Variants in BFSP1 observed in about 807,000 individuals in gnomAD.
BFSP1 encodes filensin.
Under a neutral mutation model 43.9 loss-of-function variants are expected in BFSP1, and 38 were observed. The observed-to-expected ratio is 0.87, with a 90% confidence interval of 0.67 to 1.14. The LOEUF (loss-of-function observed/expected upper bound fraction) is 1.14, where lower values mean the gene tolerates loss of function less well. Among genes scored for constraint, BFSP1 ranks in the 50% most tolerant of loss-of-function variants. The pLI is 0.00. For synonymous variants in BFSP1, 352 were observed against 354.8 expected, an observed-to-expected ratio of 0.99 and a Z score of 0.09; for missense variants, 850 against 875.1, an observed-to-expected ratio of 0.97 and a Z score of 0.36.
In BFSP1 at chr20:17,507,275, G is replaced by GTA; in HGVS notation, c.735+1613_735+1614insTA. Among the ~76,000 whole-genome samples the GTA allele has an allele frequency of 1.8e-5, 2 of 111,970 alleles. No individual in the cohort carries two copies. The highest frequency in any genetic ancestry group is 4.5e-3 in the Middle Eastern group (1 of 222). The allele number at this position is 111,970 out of a possible 152,430, so 73.5% of individuals were successfully genotyped here. A position where few individuals can be genotyped will look rare whatever the true frequency, so the allele number is the denominator to read the frequency against. ...AGCCATACACATCAGATAGGTAGGT[G>GTA]TGTGTGTGTGTGTGTGTGTGTGTGT... On this transcript the variant is annotated intron_variant, in intron 5 of 7. Transcript: ENST00000377873. The surrounding 1 kb of genome is among the most constrained non-coding windows in gnomAD (Gnocchi z 4.4).
rs906318076 is a variant in BFSP1 at position 17,558,221 on chromosome 20, A to C, written c.2+467T>G. Among the ~76,000 whole-genome samples the C allele has an allele frequency of 2.0e-5, 3 of 152,088 alleles. 1 individual carries two copies. The Middle Eastern group carries it at 0.01, about 517-fold the overall frequency. On this transcript the variant is annotated intron_variant, in intron 1 of 7. Coordinates refer to the BFSP1 transcript ENST00000377868. ...CCTCATTAATTTTTATGATGCGTAA[A>C]ATTTTTTCATTACATTAGCCAAAAA...
At chr20:17,510,722 C>T (rs1366802997) in intron 4 of BFSP1, among the ~76,000 whole-genome samples, 2 of 152,188 alleles carry the variant, frequency 1.3e-5, no homozygotes, top group South Asian at 4.1e-4. Context: ...CATGCTGGTC[C>T]TGGGCAGGCC....
chr20:17,529,906 C>G (rs1217891349), intron 1 of BFSP1, among the ~76,000 whole-genome samples: 1 of 152,198 alleles, frequency 6.6e-6, no homozygotes, highest in Non-Finnish European at 1.5e-5. Flanking sequence ...CCTTCTGAGT[C>G]AAAGAGCACA....
intron 1 of BFSP1, among the ~76,000 whole-genome samples, chr20:17,556,864 A>G (rs955132689): frequency 3.3e-5 from 5 of 152,132 alleles, no homozygotes; most frequent in Admixed American, 6.5e-5. Context: ...TTTTCCCCTG[A>G]TAAATCTGTA....
intron 1 of BFSP1, among the ~76,000 whole-genome samples, chr20:17,550,138 G>A (rs2123579155): frequency 6.6e-6 from 1 of 152,288 alleles, no homozygotes; most frequent in East Asian, 1.9e-4. Context: ...TTGTTGCCAG[G>A]AAAGGGATCC....
chr20:17,526,530 T>A (rs985927442), intron 1 of BFSP1, among the ~76,000 whole-genome samples: 3 of 152,240 alleles, frequency 2.0e-5, no homozygotes, highest in Admixed American at 6.5e-5. Context: ...TGTATAATAT[T>A]CTATGTATCG....
chr20:17,503,449 G>A (rs2033852859), intron 5 of BFSP1, among the ~76,000 whole-genome samples: 1 of 152,192 alleles, frequency 6.6e-6, no homozygotes, highest in African/African-American at 2.4e-5. Flanking sequence ...TTCCTTTTGG[G>A]TGTGGGTTCC....
rs1468803761 is a variant in BFSP1 at position 17,565,257 on chromosome 20, T to C, written n.51-2162A>G. 1.3e-5 allele frequency among the ~76,000 whole-genome samples: 2 copies of C among 152,236 alleles called. 1 individual carries two copies. Among genetic ancestry groups the C allele is most frequent in the Admixed American group, 1.3e-4 (2 of 15,284 alleles). On this transcript the variant is annotated intron_variant and non_coding_transcript_variant, in intron 1 of 6. Transcript: ENST00000473415. ...CAACTACTGTAGGAGGGATTATAAA[T>C]TGGTATATCCTTTTTAGAAGGCTAT...
intron 1 of BFSP1, among the ~76,000 whole-genome samples, chr20:17,540,911 C>T (rs563599805): frequency 3.3e-5 from 5 of 152,324 alleles, no homozygotes; most frequent in Non-Finnish European, 4.4e-5. Context: ...CTTCACCATG[C>T]TTTGTTGATT....
chr20:17,500,631 AT>A (rs1188618998), intron 5 of BFSP1, among the ~76,000 whole-genome samples: 2 of 152,110 alleles, frequency 1.3e-5, no homozygotes, highest in African/African-American at 4.8e-5. Context: ...TTTTCTCATT[AT>A]TTTGGCGTGT....
Position 17,506,412 on chromosome 20 carries a change from G to A in BFSP1, c.735+2477C>T, listed in dbSNP as rs116976736. Among the ~76,000 whole-genome samples the A allele has an allele frequency of 5.8e-3, 876 of 152,242 alleles. 11 individuals are homozygous for A. The highest frequency in any genetic ancestry group is 0.016 in the African/African-American group (662 of 41,528). ...GCAGCAACAGAAAATGGACACAGCC[G>A]TGTTTCATCAGCTACATGCTATAGC... On this transcript the variant is annotated intron_variant, in intron 5 of 7. Coordinates refer to ENST00000377873, the MANE Select transcript of BFSP1 (RefSeq NM_001195.5).
At chr20:17,558,783 T>G in exon 1 of BFSP1, 1 of 1,529,184 alleles carries the variant, frequency 6.5e-7, no homozygotes, top group South Asian at 1.2e-5. Flanking sequence ...GTACCCTGCC[T>G]ACCCAGGACT....
In BFSP1 at chr20:17,544,484, G is replaced by A. The variant is rs2034769623; in HGVS notation, c.2+14204C>T. 2.0e-5 allele frequency among the ~76,000 whole-genome samples: 3 copies of A among 152,196 alleles called. No homozygotes were observed. The South Asian group carries it at 6.2e-4, about 32-fold the overall frequency. On this transcript the variant is annotated intron_variant, in intron 1 of 7. Transcript: ENST00000377868. ...TTGTTTTCAGGTAATCAAATTAGCT[G>A]AAGTACCTCTACATAGTTATTTTAA... is the stretch of plus-strand genomic sequence containing the variant.
intron 5 of BFSP1, among the ~76,000 whole-genome samples, chr20:17,501,480 C>T (rs564328007): frequency 1.3e-5 from 2 of 151,574 alleles, no homozygotes; most frequent in African/African-American, 2.4e-5. Flanking sequence ...CACCTGAACC[C>T]GGGAGGTGGA....
At chr20:17,544,531 A>C (rs907722939) in intron 1 of BFSP1, among the ~76,000 whole-genome samples, 2 of 152,220 alleles carry the variant, frequency 1.3e-5, no homozygotes, top group Non-Finnish European at 2.9e-5. Context: ...TCTAGAGATA[A>C]TAATGTAACA....
At chr20:17,541,622 A>C (rs2034720526) in intron 1 of BFSP1, among the ~76,000 whole-genome samples, 1 of 152,252 alleles carries the variant, frequency 6.6e-6, no homozygotes, top group Admixed American at 6.5e-5. Flanking sequence ...TTTCTATTTT[A>C]AGAAGATGAA....
At chr20:17,503,437 C>T (rs1432455944) in intron 5 of BFSP1, among the ~76,000 whole-genome samples, 1 of 152,164 alleles carries the variant, frequency 6.6e-6, no homozygotes, top group African/African-American at 2.4e-5. Flanking sequence ...CTGGGGTGGC[C>T]GTTCCTTTTG....
intron 1 of BFSP1, chr20:17,558,593 C>T (rs61687016): frequency 1.5e-6 from 2 of 1,355,544 alleles, no homozygotes; most frequent in South Asian, 1.3e-5. Context: ...GCTTGCTGTA[C>T]CTTCTACGGG....
Position 17,531,326 on chromosome 20 carries a change from A to G in BFSP1, c.4T>C (p.Tyr2His), listed in dbSNP as rs1488930986. ...GTCTGGAAGACGTAGCTGCGCCGGTACATGGCTGCTCTGGCGCGGGCGCGC... is the reference window on the plus strand; with the variant it reads ...GTCTGGAAGACGTAGCTGCGCCGGTGCATGGCTGCTCTGGCGCGGGCGCGC... The part of the protein sequence containing the change: M[Y>H]RRSYVFQTRK... Residue 2 changes from tyrosine (Y) to histidine (H), a missense_variant, in exon 1 of 8, where the codon TAC becomes CAC. Transcript: ENST00000377873. 6 of 1,442,128 alleles carry G rather than the reference A, an allele frequency of 4.2e-6. No homozygotes were observed. The highest frequency in any genetic ancestry group is 4.5e-6 in the Non-Finnish European group (5 of 1,103,368). 89.3% of individuals were successfully genotyped at this position (1,442,128 alleles called of 1,614,324 possible).
Sources: gnomAD v4.1 joint callset for allele counts (sites outside exome capture counted in the v4.1 genomes callset) on GRCh38, gnomAD v4.1.1 for gene constraint, Gnocchi (gnomAD v3.1) non-coding constraint, MANE v1.5 for transcripts, NCBI Gene and HGNC (gene_info 2026-07-23, HGNC 2026-07-21) for gene names.